JMJD1C: variants seen among roughly 807,000 people sequenced by gnomAD.
JMJD1C encodes jumonji domain containing 1C, also known as jumonji domain-containing protein 1C.
A neutral mutation model predicts 245.3 loss-of-function variants in JMJD1C; 31 were observed. The ratio of observed to expected loss-of-function variants is 0.13; its 90% CI spans 0.09 to 0.17. The LOEUF (loss-of-function observed/expected upper bound fraction) is 0.17, where lower values mean the gene tolerates loss of function less well. Ranked by LOEUF, JMJD1C falls within the 10% of genes least tolerant of loss-of-function variation. The pLI is 1.00. For synonymous variants in JMJD1C, 1,057 were observed against 1,017.4 expected, an observed-to-expected ratio of 1.04 and a Z score of -0.74; for missense variants, 2,691 against 3,000.2, an observed-to-expected ratio of 0.90 and a Z score of 2.41.
chr10:63,238,058 G>A (rs1291115149), intron 3 of JMJD1C, among the ~76,000 whole-genome samples: 3 of 137,956 alleles, frequency 2.2e-5, no homozygotes, highest in African/African-American at 8.1e-5. Context: ...GCAGGTGCCT[G>A]TAATCCCAGC....
intron 2 of JMJD1C, among the ~76,000 whole-genome samples, chr10:63,342,379 C>G (rs67813468): frequency 0.14 from 20,770 of 152,100 alleles, 3,265 homozygotes; most frequent in African/African-American, 0.39. Context: ...CAAAGAGAGA[C>G]CTCTAAGACA....
intron 18 of JMJD1C, among the ~76,000 whole-genome samples, chr10:63,187,483 G>A (rs1323803266): frequency 6.6e-6 from 1 of 152,164 alleles, no homozygotes; most frequent in Non-Finnish European, 1.5e-5. Flanking sequence ...TGTTGCCCAG[G>A]CTGAAGTGCA....
intron 17 of JMJD1C, among the ~76,000 whole-genome samples, chr10:63,189,724 A>G (rs910591722): frequency 6.6e-6 from 1 of 151,986 alleles, no homozygotes. Flanking sequence ...CCTCATATAC[A>G]TTTTTTAAAA....
chr10:63,176,444 T>C lies in JMJD1C; in HGVS notation c.7254A>G (p.Leu2418=), dbSNP rs753964728. ...GGTCACGTATTGGATCATGTTCTGG[T>C]AGAACTTCAAGGCCTTGTTCTTTTG... ...KISKEQGLEV[L]PEHDPIRDQS... is the part of the protein sequence containing the mutation. Residue 2418 remains leucine (L), a synonymous_variant, in exon 24 of 26, where the codon CTA becomes CTG. Coordinates refer to ENST00000399262, the MANE Select transcript of JMJD1C (RefSeq NM_032776.3). The C allele has an allele frequency of 6.2e-7, 1 of 1,613,748 alleles. No individual in the cohort carries two copies. The highest frequency in any genetic ancestry group is 2.2e-5 in the East Asian group (1 of 44,860).
chr10:63,276,884 C>CTTTTTTTT (rs760452367), intron 2 of JMJD1C, among the ~76,000 whole-genome samples: 14,135 of 96,100 alleles, frequency 0.15, 3,235 homozygotes, highest in East Asian at 0.23. Flanking sequence ...AAGCTTGGGG[C>CTTTTTTTT]TTTTTTTTTT....
intron 1 of JMJD1C, among the ~76,000 whole-genome samples, chr10:63,451,498 T>A (rs985568169): frequency 3.3e-5 from 5 of 151,994 alleles, no homozygotes; most frequent in Admixed American, 1.3e-4. Flanking sequence ...AGAAAAAAAT[T>A]TAAAAAATAT....
chr10:63,227,427 G>A (rs559209170), intron 3 of JMJD1C, among the ~76,000 whole-genome samples: 15 of 152,144 alleles, frequency 9.9e-5, no homozygotes, highest in South Asian at 2.1e-4. Flanking sequence ...GCTTAATAAC[G>A]TAACAGATTT....
chr10:63,511,342 G>A (rs761309030), intron 1 of JMJD1C, among the ~76,000 whole-genome samples: 1 of 152,020 alleles, frequency 6.6e-6, no homozygotes, highest in Non-Finnish European at 1.5e-5. Flanking sequence ...TTATACAGTT[G>A]ACCCTTAAAC....
intron 3 of JMJD1C, among the ~76,000 whole-genome samples, chr10:63,241,442 T>C (rs1311265897): frequency 1.3e-5 from 2 of 152,206 alleles, no homozygotes; most frequent in African/African-American, 4.8e-5. Context: ...ACTACATAGG[T>C]TTAAAATTAT....
intron 1 of JMJD1C, among the ~76,000 whole-genome samples, chr10:63,471,456 T>A (rs1167604463): frequency 6.6e-6 from 1 of 152,210 alleles, no homozygotes; most frequent in African/African-American, 2.4e-5. Context: ...GAGCAAAGTA[T>A]GCTTTCCTGT....
intron 1 of JMJD1C, among the ~76,000 whole-genome samples, chr10:63,415,273 TC>T (rs1482920688): frequency 0.073 from 420 of 5,734 alleles, 3 homozygotes; most frequent in Non-Finnish European, 0.22. Context: ...GTGTCATTAT[TC>T]ATTTAAAAGC....
chr10:63,298,021 C>G (rs953214256), intron 2 of JMJD1C, among the ~76,000 whole-genome samples: 1 of 152,238 alleles, frequency 6.6e-6, no homozygotes, highest in African/African-American at 2.4e-5. Flanking sequence ...GCTGCAGCGA[C>G]AGCTGCTTAC....
chr10:63,253,859 C>T lies in JMJD1C; in HGVS notation c.447+10792G>A, dbSNP rs117062110. Among the ~76,000 whole-genome samples the T allele has an allele frequency of 7.2e-5, 11 of 152,232 alleles. No homozygotes were observed. The East Asian group carries it at 1.9e-3, about 27-fold the overall frequency. On this transcript the variant is annotated intron_variant, in intron 3 of 25. Coordinates refer to ENST00000399262, the MANE Select transcript of JMJD1C (RefSeq NM_032776.3). ...CGACCAGAATGAATTCCTTATTCCT[C>T]CCTGGTCTCTGCTACTTACTACATT...
chr10:63,176,323 C>G lies in JMJD1C; in HGVS notation c.7375G>C (p.Val2459Leu), dbSNP rs779799691. Residue 2459 changes from valine (V) to leucine (L), a missense_variant, in exon 24 of 26, where the codon GTT becomes CTT. Physicochemically the swap from Val to Leu is conservative, Grantham distance 32. This residue lies in a region of JMJD1C where 232 missense variants were observed against 416.1 expected (regional missense o/e 0.56). Coordinates refer to ENST00000399262, the MANE Select transcript of JMJD1C (RefSeq NM_032776.3). ...TLIQFLGDAI[V>L]LPAGALHQVQ... Reference sequence around the variant, plus strand: ...TGATGAAGTGCTCCCGCTGGCAAAACAATAGCATCACCAAGGAACTGAATA... The same window carrying G: ...TGATGAAGTGCTCCCGCTGGCAAAAGAATAGCATCACCAAGGAACTGAATA... 6.2e-7 allele frequency: 1 copy of G among 1,612,908 alleles called. No homozygotes were observed. Among genetic ancestry groups the G allele is most frequent in the Admixed American group, 1.7e-5 (1 of 59,808 alleles).
At position 63,177,872 on chromosome 10, in the gene JMJD1C, A is replaced by AT. The variant is rs1215051030; in HGVS notation, c.7085-17dup. On this transcript the variant is annotated splice_polypyrimidine_tract_variant and intron_variant, in intron 22 of 25. Coordinates refer to ENST00000399262, the MANE Select transcript of JMJD1C (RefSeq NM_032776.3). ...TTGAGAATTCCTGAAACAAAGGAACATAATTTCAAATTGTCGGCAAAGAAT... is the reference window on the plus strand; with the variant it reads ...TTGAGAATTCCTGAAACAAAGGAACATTAATTTCAAATTGTCGGCAAAGAAT... The AT allele has an allele frequency of 6.2e-7, 1 of 1,610,108 alleles. No individual in the cohort carries two copies. Among genetic ancestry groups the AT allele is most frequent in the Non-Finnish European group, 8.5e-7 (1 of 1,178,902 alleles).
intron 3 of JMJD1C, among the ~76,000 whole-genome samples, chr10:63,239,905 C>A (rs2133486462): frequency 6.6e-6 from 1 of 152,338 alleles, no homozygotes; most frequent in South Asian, 2.1e-4. Context: ...TCAATGATAT[C>A]TACTCTGAAC....
chr10:63,504,324 C>G (rs533403747), intron 1 of JMJD1C, among the ~76,000 whole-genome samples: 1 of 152,244 alleles, frequency 6.6e-6, no homozygotes, highest in African/African-American at 2.4e-5. Flanking sequence ...TGGTTAAGTA[C>G]AATGCAGAGA....
intron 2 of JMJD1C, among the ~76,000 whole-genome samples, chr10:63,321,433 G>A (rs183121173): frequency 6.6e-6 from 1 of 152,336 alleles, no homozygotes; most frequent in East Asian, 1.9e-4. Flanking sequence ...TCTGACGCTA[G>A]CTGTAGGTAG....
chr10:63,436,577 C>T lies in JMJD1C; in HGVS notation c.168+28918G>A, dbSNP rs146307333. On this transcript the variant is annotated intron_variant, in intron 1 of 25. Transcript: ENST00000399262. The stretch of plus-strand genomic sequence containing the variant: ...GTACCCTAAAATGTTATTCATCATG[C>T]CATTCAATATTATTTCTGTCCTAGT... 4.4e-3 allele frequency among the ~76,000 whole-genome samples: 676 copies of T among 152,260 alleles called. 6 individuals are homozygous for T. Among genetic ancestry groups the T allele is most frequent in the Admixed American group, 6.9e-3 (105 of 15,286 alleles).
Sources: allele counts gnomAD v4.1 joint callset (sites outside exome capture counted in the v4.1 genomes callset), GRCh38; gene constraint gnomAD v4.1.1; regional missense constraint gnomAD v4.1.1; transcripts MANE v1.5; gene names NCBI Gene and HGNC (gene_info 2026-07-23, HGNC 2026-07-21).